The following ENTREP2 variants were observed in gnomAD, a reference collection of about 807,000 sequenced individuals.
The protein encoded by ENTREP2 is protein ENTREP2.
the ENTREP2 span, among the ~76,000 whole-genome samples, chr15:29,652,896 G>A: frequency 6.6e-6 from 1 of 152,208 alleles, no homozygotes; most frequent in Admixed American, 6.5e-5. Context: ...TGAGTGGGAG[G>A]AATAAGCTGA....
chr15:29,214,652 C>G, the ENTREP2 span, among the ~76,000 whole-genome samples: 1 of 148,346 alleles, frequency 6.7e-6, no homozygotes, highest in East Asian at 2.0e-4. Flanking sequence ...CAAACCAGCA[C>G]GTTGTGCACA....
chr15:29,388,125 T>C, the ENTREP2 span, among the ~76,000 whole-genome samples: 1 of 152,154 alleles, frequency 6.6e-6, no homozygotes, highest in Non-Finnish European at 1.5e-5. Flanking sequence ...AAATGGGATC[T>C]AATTAAACTA....
At chr15:29,538,638 C>CAAAAAAA in the ENTREP2 span, among the ~76,000 whole-genome samples, 679 of 78,650 alleles carry the variant, frequency 8.6e-3, no homozygotes, top group Non-Finnish European at 0.01. Flanking sequence ...ACTAAAAATA[C>CAAAAAAA]AAAAAAAAAA....
chr15:29,578,973 C>T, the ENTREP2 span, among the ~76,000 whole-genome samples: 1 of 152,086 alleles, frequency 6.6e-6, no homozygotes, highest in Admixed American at 6.6e-5. Context: ...TATTAGAAAC[C>T]TATGCATTCT....
At chr15:29,432,810 T>A in the ENTREP2 span, among the ~76,000 whole-genome samples, 7 of 152,094 alleles carry the variant, frequency 4.6e-5, no homozygotes, top group African/African-American at 1.7e-4. Flanking sequence ...CACGCAGCTG[T>A]GAGGAGCCCT....
the ENTREP2 span, among the ~76,000 whole-genome samples, chr15:29,431,280 G>A: frequency 9.9e-5 from 15 of 152,042 alleles, no homozygotes; most frequent in Admixed American, 7.2e-4. Context: ...GCCCCTGCAC[G>A]TATGGTTTAT....
the ENTREP2 span, among the ~76,000 whole-genome samples, chr15:29,507,807 T>C: frequency 1.3e-5 from 2 of 152,084 alleles, no homozygotes; most frequent in African/African-American, 4.8e-5. Context: ...GTGGGAAAGA[T>C]CTAAAATCAA....
chr15:29,657,215 CTTTT>C, the ENTREP2 span, among the ~76,000 whole-genome samples: 1 of 146,568 alleles, frequency 6.8e-6, no homozygotes, highest in Non-Finnish European at 1.5e-5. Context: ...GCCGCGCCAG[CTTTT>C]TTTTTTTCTT....
At chr15:29,404,138 C>G in the ENTREP2 span, among the ~76,000 whole-genome samples, 2 of 152,078 alleles carry the variant, frequency 1.3e-5, no homozygotes, top group Admixed American at 1.3e-4. Context: ...AGGCTGGATT[C>G]CTGCAAGGGC....
At chr15:29,228,761 G>A in the ENTREP2 span, among the ~76,000 whole-genome samples, 2 of 151,992 alleles carry the variant, frequency 1.3e-5, no homozygotes, top group Non-Finnish European at 2.9e-5. Context: ...GCACACAGAG[G>A]AACTTAACAT....
the ENTREP2 span, chr15:29,234,769 G>A: frequency 2.0e-6 from 3 of 1,490,958 alleles, 1 homozygote; most frequent in South Asian, 3.4e-5. Context: ...GCTCAACATT[G>A]GTATAAAATA....
At chr15:29,497,120 G>A in the ENTREP2 span, among the ~76,000 whole-genome samples, 4 of 152,144 alleles carry the variant, frequency 2.6e-5, no homozygotes, top group South Asian at 2.1e-4. Flanking sequence ...TTGCTCTCTC[G>A]CACTCTTTTT....
chr15:29,620,596 C>G, the ENTREP2 span, among the ~76,000 whole-genome samples: 1 of 152,000 alleles, frequency 6.6e-6, no homozygotes, highest in African/African-American at 2.4e-5. Context: ...TATGATCACA[C>G]CACTGCACTC....
At chr15:29,600,439 C>CCACCAT in the ENTREP2 span, among the ~76,000 whole-genome samples, 15 of 141,700 alleles carry the variant, frequency 1.1e-4, no homozygotes, top group East Asian at 4.3e-4. Flanking sequence ...TTCTCTCCCA[C>CCACCAT]CATCATCATC....
At chr15:29,176,605 G>A in the ENTREP2 span, among the ~76,000 whole-genome samples, 1 of 152,164 alleles carries the variant, frequency 6.6e-6, no homozygotes, top group Non-Finnish European at 1.5e-5. Context: ...GCACATGCAG[G>A]GCAGGAGCCA....
the ENTREP2 span, among the ~76,000 whole-genome samples, chr15:29,423,453 G>A: frequency 1.3e-5 from 2 of 152,004 alleles, no homozygotes; most frequent in African/African-American, 4.8e-5. Flanking sequence ...ATAAACCAAT[G>A]GCAATGTTTA....
At chr15:29,377,390 G>A in the ENTREP2 span, among the ~76,000 whole-genome samples, 1 of 152,086 alleles carries the variant, frequency 6.6e-6, no homozygotes. Flanking sequence ...ATCTGTGTGT[G>A]TGTGGAGAAC....
chr15:29,488,563 A>T, the ENTREP2 span, among the ~76,000 whole-genome samples: 6 of 152,254 alleles, frequency 3.9e-5, no homozygotes, highest in South Asian at 2.1e-4. Context: ...CACACACAAG[A>T]AGTTCAGTGA....
chr15:29,565,460 G>A, the ENTREP2 span, among the ~76,000 whole-genome samples: 2 of 151,752 alleles, frequency 1.3e-5, no homozygotes, highest in Non-Finnish European at 2.9e-5. Flanking sequence ...CATAGAACTG[G>A]TAGAGATTAT....
Sources: allele counts gnomAD v4.1 joint callset (sites outside exome capture counted in the v4.1 genomes callset), GRCh38; gene constraint gnomAD v4.1.1; transcripts MANE v1.5; gene names NCBI Gene and HGNC (gene_info 2026-07-23, HGNC 2026-07-21).